Variants in TAF3 observed in about 807,000 individuals in gnomAD.
TAF3 encodes the protein transcription initiation factor TFIID subunit 3.
TAF3 carries 7 observed loss-of-function variants against 80.6 expected under a neutral mutation model. That is an observed-to-expected ratio of 0.09 (90% CI 0.05 to 0.16). TAF3 has a LOEUF of 0.16. Among genes scored for constraint, TAF3 ranks in the 10% least tolerant of loss-of-function variants. The pLI is 1.00. For synonymous variants in TAF3, 444 were observed against 446.1 expected (o/e 1.00, Z 0.06); for missense variants, 921 against 1,140.2 (o/e 0.81, Z 2.77).
At chr10:7,912,559 G>A (rs539285114) in intron 2 of TAF3, among the ~76,000 whole-genome samples, 4 of 152,254 alleles carry the variant, frequency 2.6e-5, no homozygotes, top group African/African-American at 9.6e-5. Flanking sequence ...AGACTGAAAA[G>A]CAAGACCTAA....
chr10:7,904,918 C>A (rs1273410607), intron 2 of TAF3, among the ~76,000 whole-genome samples: 1 of 152,092 alleles, frequency 6.6e-6, no homozygotes, highest in Admixed American at 6.6e-5. Flanking sequence ...CTCCACCACC[C>A]GCTCCTCCTC....
chr10:7,823,834 C>G (rs549203322), intron 1 of TAF3, among the ~76,000 whole-genome samples: 1 of 151,806 alleles, frequency 6.6e-6, no homozygotes, highest in African/African-American at 2.4e-5. Context: ...GGGGTTTCAC[C>G]GTGTTGACCA....
At chr10:7,972,684 T>G (rs1440812027) in intron 3 of TAF3, among the ~76,000 whole-genome samples, 4 of 152,232 alleles carry the variant, frequency 2.6e-5, no homozygotes, top group African/African-American at 9.6e-5. Flanking sequence ...TTACTTAATT[T>G]TTACATATTG....
chr10:7,897,524 T>G (rs530916048), intron 2 of TAF3, among the ~76,000 whole-genome samples: 1 of 152,196 alleles, frequency 6.6e-6, no homozygotes, highest in South Asian at 2.1e-4. Context: ...GCGTGTTTTG[T>G]TTTTTTCATG....
intron 2 of TAF3, among the ~76,000 whole-genome samples, chr10:7,950,011 T>C (rs1490148978): frequency 6.6e-6 from 1 of 152,236 alleles, no homozygotes; most frequent in African/African-American, 2.4e-5. Flanking sequence ...CAATGATACA[T>C]GGTGAAATCG....
rs1330811426 is a variant in TAF3, at chr10:7,824,385, T to C, written c.234T>C (p.His78=). The C allele has an allele frequency of 1.9e-6, 3 of 1,614,214 alleles. No homozygotes were observed. Among genetic ancestry groups the C allele is most frequent in the South Asian group, 1.1e-5 (1 of 91,088 alleles). Residue 78 remains histidine (H), a synonymous_variant, in exon 2 of 7, where the codon CAT becomes CAC. Transcript: ENST00000344293. The part of the protein sequence containing the change: ...EAFQLMGVSL[H]ELEDYIHNIE... Reference sequence around the variant, plus strand: ...TCCAGCTGATGGGGGTTAGTCTACATGAACTAGAAGACTATATTCACAACA... The same window carrying C: ...TCCAGCTGATGGGGGTTAGTCTACACGAACTAGAAGACTATATTCACAACA...
At chr10:7,970,324 C>T (rs1831610619) in intron 3 of TAF3, among the ~76,000 whole-genome samples, 1 of 152,232 alleles carries the variant, frequency 6.6e-6, no homozygotes, top group African/African-American at 2.4e-5. Context: ...CTACAGGTTC[C>T]AGGCCTTGCC....
intron 2 of TAF3, among the ~76,000 whole-genome samples, chr10:7,952,882 C>A (rs748759515): frequency 6.6e-6 from 1 of 152,168 alleles, no homozygotes; most frequent in Non-Finnish European, 1.5e-5. Flanking sequence ...ATTTCTGTTA[C>A]ATTATAGACA....
chr10:7,983,190 C>T (rs541251337), intron 4 of TAF3, among the ~76,000 whole-genome samples: 1 of 152,310 alleles, frequency 6.6e-6, no homozygotes, highest in South Asian at 2.1e-4. Flanking sequence ...CCTGGCGAAG[C>T]CCCGCTTCCC....
intron 2 of TAF3, among the ~76,000 whole-genome samples, chr10:7,848,965 T>C (rs895649457): frequency 6.6e-6 from 1 of 152,194 alleles, no homozygotes; most frequent in Non-Finnish European, 1.5e-5. Context: ...TTTGAGACTT[T>C]CCTTTTTCAG....
intron 2 of TAF3, among the ~76,000 whole-genome samples, chr10:7,955,856 G>A (rs976737160): frequency 6.6e-6 from 1 of 152,086 alleles, no homozygotes; most frequent in Non-Finnish European, 1.5e-5. Context: ...TATTAATGAA[G>A]GAAAATTGAA....
At chr10:7,916,223 T>G (rs977125165) in intron 2 of TAF3, among the ~76,000 whole-genome samples, 3 of 152,226 alleles carry the variant, frequency 2.0e-5, no homozygotes, top group Non-Finnish European at 4.4e-5. Context: ...ATTATTACAT[T>G]ATGTCTTTGT....
intron 2 of TAF3, among the ~76,000 whole-genome samples, chr10:7,893,976 G>A (rs1164654394): frequency 6.6e-6 from 1 of 152,004 alleles, no homozygotes; most frequent in South Asian, 2.1e-4. Context: ...TAATGTTTTC[G>A]CCAGCAGAGT....
chr10:7,882,379 A>C (rs1239305862), intron 2 of TAF3, among the ~76,000 whole-genome samples: 1 of 152,212 alleles, frequency 6.6e-6, no homozygotes, highest in East Asian at 1.9e-4. Context: ...GAGGTCATCC[A>C]GTCCATCTAC....
intron 2 of TAF3, among the ~76,000 whole-genome samples, chr10:7,924,754 T>G (rs1837799438): frequency 6.6e-6 from 1 of 152,020 alleles, no homozygotes; most frequent in Non-Finnish European, 1.5e-5. Flanking sequence ...TATCTGTGTT[T>G]TTTTTTTTCT....
chr10:7,950,235 C>G (rs112022728), intron 2 of TAF3, among the ~76,000 whole-genome samples: 1 of 152,088 alleles, frequency 6.6e-6, no homozygotes, highest in Non-Finnish European at 1.5e-5. Context: ...TTTGAAAAGA[C>G]AGTATTACTC....
intron 2 of TAF3, among the ~76,000 whole-genome samples, chr10:7,876,564 A>G (rs1837314708): frequency 6.6e-6 from 1 of 152,220 alleles, no homozygotes; most frequent in African/African-American, 2.4e-5. Context: ...CATAGGAGAA[A>G]GAGGAGAGAG....
chr10:7,946,266 G>T (rs557176448), intron 2 of TAF3, among the ~76,000 whole-genome samples: 1 of 152,244 alleles, frequency 6.6e-6, no homozygotes, highest in East Asian at 1.9e-4. Context: ...GCCTTCACCT[G>T]CTCCTTCCCA....
intron 2 of TAF3, among the ~76,000 whole-genome samples, chr10:7,891,880 A>T (rs1837459747): frequency 2.0e-5 from 3 of 152,250 alleles, no homozygotes. Flanking sequence ...TTTGTGGAAC[A>T]TTGCCAATAT....
Sources: allele counts gnomAD v4.1 joint callset (sites outside exome capture counted in the v4.1 genomes callset), GRCh38; gene constraint gnomAD v4.1.1; transcripts MANE v1.5; gene names NCBI Gene and HGNC (gene_info 2026-07-23, HGNC 2026-07-21).